Variants in DNAH6 observed in about 807,000 individuals in gnomAD.
DNAH6 encodes the protein dynein axonemal heavy chain 6, also known as axonemal beta dynein heavy chain 6.
A neutral mutation model predicts 491.4 loss-of-function variants in DNAH6; 340 were observed. The observed-to-expected ratio is 0.69, with a 90% CI of 0.63 to 0.76. DNAH6 has a LOEUF of 0.76. Ranked by LOEUF, DNAH6 falls within the 30% of genes least tolerant of loss-of-function variation. The probability of loss-of-function intolerance (pLI) is 0.00; values close to 1 mark genes in which losing one functional copy is unlikely to be tolerated. For synonymous variants in DNAH6, 1,603 were observed against 1,686.1 expected (o/e 0.95, Z 1.21); for missense variants, 4,443 against 4,972.2 (o/e 0.89, Z 3.20).
chr2:84,507,135 G>C, the DNAH6 span, among the ~76,000 whole-genome samples: 1 of 152,020 alleles, frequency 6.6e-6, no homozygotes, highest in Admixed American at 6.6e-5. Context: ...GGATGGCATT[G>C]AATCTATAAA....
chr2:84,799,949 G>A (rs1313904884), intron 70 of DNAH6, among the ~76,000 whole-genome samples: 2 of 152,226 alleles, frequency 1.3e-5, no homozygotes, highest in African/African-American at 4.8e-5. Flanking sequence ...CCACCCTGCT[G>A]AAAGTAACTG....
chr2:84,797,571 A>C lies in DNAH6; in HGVS notation c.11394A>C (p.Gln3798His). The change falls in exon 70 of 77, where the codon CAA becomes CAC. Residue 3798 changes from glutamine to histidine, a missense_variant. Gln to His is a conservative substitution (Grantham distance 24). Coordinates refer to ENST00000389394, the MANE Select transcript of DNAH6 (RefSeq NM_001370.2). Reference protein sequence around the residue: ...IYFAPMADSLQEFKDYIENLP... With the variant: ...IYFAPMADSLHEFKDYIENLP... ...TTGCACCCATGGCTGACAGCCTACA[A>C]GAGTTTAAGGACTACATTGAAAATC... The C allele has an allele frequency of 6.4e-7, 1 of 1,551,830 alleles. No individual in the cohort carries two copies. The highest frequency in any genetic ancestry group is 2.4e-5 in the East Asian group (1 of 40,920).
the DNAH6 span, among the ~76,000 whole-genome samples, chr2:84,496,708 G>A: frequency 6.6e-6 from 1 of 152,052 alleles, no homozygotes; most frequent in Non-Finnish European, 1.5e-5. Flanking sequence ...CAATTTTATT[G>A]TTATAAGTTA....
At position 84,722,606 on chromosome 2, in the gene DNAH6, T is replaced by G. The variant is rs71428695; in HGVS notation, c.9793-19T>G. 6.5e-7 allele frequency: 1 copy of G among 1,530,828 alleles called. No individual in the cohort carries two copies. The allele number at this position is 1,530,828 out of a possible 1,614,324, so 94.8% of individuals were successfully genotyped here. A position where few individuals can be genotyped will look rare whatever the true frequency, so the allele number is the denominator to read the frequency against. ...TCTGGAACAGATCCCTAAGAACTTGTTATTGTATGTTTATTCAGATCACTT... is the reference window on the plus strand; with the variant it reads ...TCTGGAACAGATCCCTAAGAACTTGGTATTGTATGTTTATTCAGATCACTT... On this transcript the variant is annotated intron_variant, in intron 59 of 76. Transcript: ENST00000389394.
chr2:84,468,539 T>C, the DNAH6 span, among the ~76,000 whole-genome samples: 10 of 152,304 alleles, frequency 6.6e-5, 1 homozygote, highest in South Asian at 2.1e-3. Flanking sequence ...TTTTGAACTT[T>C]ACCAAAGATA....
intron 52 of DNAH6, 123 bp from the exon 53 acceptor site, chr2:84,706,773 A>G: frequency 8.6e-7 from 1 of 1,165,732 alleles, no homozygotes; most frequent in Non-Finnish European, 1.2e-6. Context: ...TATGTATCAC[A>G]TCAAAGTCTT....
chr2:84,540,110 A>G (rs537552783), intron 4 of DNAH6, among the ~76,000 whole-genome samples: 2 of 152,316 alleles, frequency 1.3e-5, no homozygotes, highest in African/African-American at 4.8e-5. Context: ...TATCTAATTC[A>G]GCCTTAAAGC....
intron 20 of DNAH6, among the ~76,000 whole-genome samples, chr2:84,605,841 A>G (rs1457504104): frequency 2.0e-5 from 3 of 152,240 alleles, no homozygotes; most frequent in Admixed American, 2.0e-4. Flanking sequence ...TGAGGAATTT[A>G]GAAAAACAAA....
chr2:84,624,789 C>T (rs1455020895), intron 28 of DNAH6, 113 bp from the exon 29 acceptor site: 1 of 1,272,274 alleles, frequency 7.9e-7, no homozygotes, highest in Non-Finnish European at 1.1e-6. Flanking sequence ...TGGTGTATTT[C>T]AATTGCTATA....
intron 40 of DNAH6, among the ~76,000 whole-genome samples, chr2:84,676,290 A>G (rs1210326035): frequency 6.6e-6 from 1 of 152,202 alleles, no homozygotes; most frequent in Non-Finnish European, 1.5e-5. Flanking sequence ...TTCGCAGTCT[A>G]CTTGAGACCA....
chr2:84,594,604 T>G (rs1684405354), intron 17 of DNAH6, among the ~76,000 whole-genome samples: 1 of 152,212 alleles, frequency 6.6e-6, no homozygotes, highest in Admixed American at 6.5e-5. Flanking sequence ...CTACCCTATA[T>G]TCAATCCTTA....
chr2:84,740,273 G>A (rs1300182725), intron 62 of DNAH6, among the ~76,000 whole-genome samples: 1 of 152,154 alleles, frequency 6.6e-6, no homozygotes, highest in African/African-American at 2.4e-5. Context: ...TGGTGCTTAA[G>A]AGTAAGAACT....
At chr2:84,797,745 T>C in intron 70 of DNAH6, 87 bp downstream of exon 70, 6 of 1,088,490 alleles carry the variant, frequency 5.5e-6, no homozygotes, top group Non-Finnish European at 7.9e-6. Context: ...ACTCTGGAAA[T>C]TATAATCTTC....
rs1190264053 is a variant in DNAH6, at chr2:84,733,594, A to C, written c.10342+15A>C. 6.5e-7 allele frequency: 1 copy of C among 1,549,926 alleles called. No individual in the cohort carries two copies. Among genetic ancestry groups the C allele is most frequent in the Non-Finnish European group, 8.7e-7 (1 of 1,145,978 alleles). On this transcript the variant is annotated intron_variant, in intron 62 of 76. Coordinates refer to ENST00000389394, the MANE Select transcript of DNAH6 (RefSeq NM_001370.2). ...CATACGCTTAGGTAATGTGACAAAAAGAACCTGCTGAGGAGGCTTATAAAC... is the reference window on the plus strand; with the variant it reads ...CATACGCTTAGGTAATGTGACAAAACGAACCTGCTGAGGAGGCTTATAAAC...
intron 67 of DNAH6, among the ~76,000 whole-genome samples, chr2:84,786,424 C>CAAAAAAA (rs34307388): frequency 1.1e-5 from 1 of 88,778 alleles, no homozygotes; most frequent in Admixed American, 1.2e-4. Context: ...GACTCTGTCT[C>CAAAAAAA]AAAAAAAAAA....
chr2:84,751,415 G>A (rs975478892), intron 63 of DNAH6, among the ~76,000 whole-genome samples: 4 of 152,334 alleles, frequency 2.6e-5, no homozygotes, highest in Non-Finnish European at 4.4e-5. Context: ...GTCCAACAAA[G>A]TGGCTTCTGT....
At chr2:84,653,979 T>G (rs533428618) in intron 34 of DNAH6, 105 bp downstream of exon 34, 5 of 918,166 alleles carry the variant, frequency 5.4e-6, no homozygotes, top group Non-Finnish European at 8.0e-6. Flanking sequence ...ATAATGTCTA[T>G]TATTGTGTTC....
chr2:84,790,627 CAT>C (rs918208890), intron 68 of DNAH6, among the ~76,000 whole-genome samples: 52 of 152,258 alleles, frequency 3.4e-4, no homozygotes, highest in African/African-American at 1.2e-3. Flanking sequence ...CCAGTAAACA[CAT>C]GTCAAGATGC....
At chr2:84,740,130 T>G (rs1672374952) in intron 62 of DNAH6, among the ~76,000 whole-genome samples, 1 of 152,124 alleles carries the variant, frequency 6.6e-6, no homozygotes, top group Non-Finnish European at 1.5e-5. Flanking sequence ...CATTTCTAGG[T>G]GCTTTCAGAG....
Sources: gnomAD v4.1 joint callset for allele counts (sites outside exome capture counted in the v4.1 genomes callset) on GRCh38, gnomAD v4.1.1 for gene constraint, MANE v1.5 for transcripts, NCBI Gene and HGNC (gene_info 2026-07-23, HGNC 2026-07-21) for gene names.